The following PLEKHA6 variants were observed in gnomAD, a reference collection of about 807,000 sequenced individuals.
The protein encoded by PLEKHA6 is pleckstrin homology domain-containing family A member 6.
A neutral mutation model predicts 116.7 loss-of-function variants in PLEKHA6; 60 were observed. The ratio of observed to expected loss-of-function variants is 0.51; its 90% CI spans 0.42 to 0.64. The LOEUF is 0.64. PLEKHA6 is among the 30% of genes least tolerant of loss of function. The pLI, the probability that PLEKHA6 is intolerant of heterozygous loss-of-function variation, is 0.00. For missense variants in PLEKHA6, 1,338 were observed against 1,422.7 expected (o/e 0.94, Z 0.96); for synonymous variants, 489 against 556.1 (o/e 0.88, Z 1.70).
chr1:204,359,151 G>A (rs1436517555), intron 1 of PLEKHA6, among the ~76,000 whole-genome samples: 1 of 152,042 alleles, frequency 6.6e-6, no homozygotes, highest in African/African-American at 2.4e-5. Context: ...GACCCCCAGA[G>A]CTCAGATGCG....
At chr1:204,360,581 G>A (rs1233572133), upstream of PLEKHA6, among the ~76,000 whole-genome samples, 1 of 152,156 alleles carries the variant, frequency 6.6e-6, no homozygotes, top group Non-Finnish European at 1.5e-5. Flanking sequence ...ACAGATAAGG[G>A]CTTCAGTTGG....
intron 3 of PLEKHA6, among the ~76,000 whole-genome samples, chr1:204,366,602 A>C (rs1673665767): frequency 6.6e-6 from 1 of 151,960 alleles, no homozygotes; most frequent in African/African-American, 2.4e-5. Flanking sequence ...CTTGACCAAA[A>C]ATACAAAAAT....
Position 204,228,340 on chromosome 1 carries a change from A to G in PLEKHA6, c.2886-112T>C, listed in dbSNP as rs1660671445. ...GAGGGCCAGGGCCCCGTGAATGTGC[A>G]GTCTCTGGTTCCCAGCAAGGCTGTC... On this transcript the variant is annotated intron_variant, in intron 20 of 22. Transcript: ENST00000272203. The surrounding 1 kb of genome is among the most constrained non-coding windows in gnomAD (Gnocchi z 4.0). 7 of 1,076,180 alleles carry G rather than the reference A, an allele frequency of 6.5e-6. No homozygotes were observed. The highest frequency in any genetic ancestry group is 4.3e-4 in the Middle Eastern group (2 of 4,700). 66.7% of individuals were successfully genotyped at this position (1,076,180 alleles called of 1,614,324 possible). A position where few individuals can be genotyped will look rare whatever the true frequency, so the allele number is the denominator to read the frequency against.
At chr1:204,325,220 G>A (rs1672200620) in intron 1 of PLEKHA6, among the ~76,000 whole-genome samples, 1 of 152,170 alleles carries the variant, frequency 6.6e-6, no homozygotes, top group South Asian at 2.1e-4. Context: ...TTACTTCCCA[G>A]TTATCTACAA....
At chr1:204,331,165 A>T (rs1259434570) in intron 1 of PLEKHA6, among the ~76,000 whole-genome samples, 4 of 144,628 alleles carry the variant, frequency 2.8e-5, no homozygotes, top group African/African-American at 1.0e-4. Flanking sequence ...ATGCCACTGC[A>T]CTCCAGCCTG....
intron 12 of PLEKHA6, among the ~76,000 whole-genome samples, chr1:204,248,243 C>T (rs1455462739): frequency 6.7e-6 from 1 of 150,088 alleles, no homozygotes; most frequent in Non-Finnish European, 1.5e-5. Flanking sequence ...ACGGCAACCT[C>T]CGCCTCATGG....
intron 9 of PLEKHA6, chr1:204,256,739 C>A: frequency 2.1e-6 from 1 of 479,620 alleles, no homozygotes; most frequent in South Asian, 3.7e-5. Flanking sequence ...CAGTTTAGCT[C>A]CACCCTGAGT....
At position 204,263,599 on chromosome 1, in the gene PLEKHA6, T is replaced by C. The variant is rs2102808510; in HGVS notation, c.381+1343A>G. Among the ~76,000 whole-genome samples the C allele has an allele frequency of 2.0e-5, 3 of 152,130 alleles. No individual in the cohort carries two copies. In the South Asian group the frequency reaches 6.2e-4, roughly 32 times the overall value. ...GGCTGGTGGGCAGAGAGGTGATATC[T>C]GGGATCTGTGGTGGAGGGAGTGTGT... On this transcript the variant is annotated intron_variant, in intron 6 of 22. Coordinates refer to ENST00000272203, the MANE Select transcript of PLEKHA6 (RefSeq NM_014935.5).
chr1:204,347,170 T>C (rs1439897650), intron 1 of PLEKHA6: 1 of 1,138,848 alleles, frequency 8.8e-7, no homozygotes, highest in South Asian at 1.2e-5. Context: ...GACTCGCATA[T>C]ACGTGGCCAA....
intron 1 of PLEKHA6, chr1:204,307,254 G>A (rs1164286815): frequency 6.6e-6 from 1 of 152,248 alleles, no homozygotes; most frequent in Non-Finnish European, 1.5e-5. Flanking sequence ...CAACATGTGA[G>A]TTTTTCTCCC....
At chr1:204,282,057 C>T (rs897213563) in intron 1 of PLEKHA6, among the ~76,000 whole-genome samples, 1 of 152,184 alleles carries the variant, frequency 6.6e-6, no homozygotes, top group Non-Finnish European at 1.5e-5. Context: ...TCTTCCCTTC[C>T]AGCTCAGGTG....
chr1:204,376,046 A>G (rs915261563), intron 1 of PLEKHA6, among the ~76,000 whole-genome samples: 2 of 151,998 alleles, frequency 1.3e-5, no homozygotes, highest in Non-Finnish European at 2.9e-5. Flanking sequence ...AGAATGTACC[A>G]TATTATTTCC....
chr1:204,357,835 C>G (rs887029123), intron 1 of PLEKHA6, among the ~76,000 whole-genome samples: 6 of 152,240 alleles, frequency 3.9e-5, no homozygotes, highest in African/African-American at 1.2e-4. Flanking sequence ...TCTATGAGCC[C>G]GAGGCTGCAG....
intron 1 of PLEKHA6, among the ~76,000 whole-genome samples, chr1:204,373,583 A>ATAG (rs1673815709): frequency 6.6e-6 from 1 of 152,162 alleles, no homozygotes; most frequent in Non-Finnish European, 1.5e-5. Context: ...TAATTGCTGA[A>ATAG]TAGTATTCCA....
intron 1 of PLEKHA6, among the ~76,000 whole-genome samples, chr1:204,315,462 T>C (rs1459932048): frequency 6.6e-6 from 1 of 152,232 alleles, no homozygotes; most frequent in African/African-American, 2.4e-5. Context: ...GGCAGCGTCA[T>C]TCCCCTTCCC....
At chr1:204,350,889 T>C (rs552863337) in intron 1 of PLEKHA6, among the ~76,000 whole-genome samples, 2 of 152,346 alleles carry the variant, frequency 1.3e-5, no homozygotes, top group South Asian at 4.1e-4. Context: ...CCTGCCTTTT[T>C]CTGGCTTTCC....
chr1:204,308,458 A>G (rs955807661), intron 1 of PLEKHA6, among the ~76,000 whole-genome samples: 10 of 152,090 alleles, frequency 6.6e-5, no homozygotes, highest in Non-Finnish European at 1.5e-4. Flanking sequence ...ATGCTTTAAT[A>G]CAACTAGATA....
chr1:204,344,596 T>A (rs1357154339), intron 1 of PLEKHA6, among the ~76,000 whole-genome samples: 1 of 39,464 alleles, frequency 2.5e-5, no homozygotes, highest in Non-Finnish European at 4.9e-5. Context: ...TGAGACTCCA[T>A]CTCAAAAAAA....
rs139623835 is a variant in PLEKHA6, at chr1:204,348,667, G to A, written c.-95+11027C>T. ...TGGCCTGGGTATTCCACAGCCACTC[G>A]CGCCCCTCTTGCTTCAGGCACTCCC... On this transcript the variant is annotated intron_variant, in intron 1 of 22. Transcript: ENST00000272203. Among the ~76,000 whole-genome samples, 44 of 151,904 alleles carry A rather than the reference G, an allele frequency of 2.9e-4. 1 individual carries two copies. In the East Asian group the frequency reaches 7.8e-3, roughly 27 times the overall value.
Sources: allele counts gnomAD v4.1 joint callset (sites outside exome capture counted in the v4.1 genomes callset), GRCh38; gene constraint gnomAD v4.1.1; non-coding constraint Gnocchi (gnomAD v3.1); transcripts MANE v1.5; gene names NCBI Gene and HGNC (gene_info 2026-07-23, HGNC 2026-07-21).